Variants in IL7R observed in about 807,000 individuals in gnomAD.
IL7R encodes the protein interleukin-7 receptor subunit alpha.
In IL7R, 38 loss-of-function variants were observed where a neutral mutation model predicts 47.0. That is an observed-to-expected ratio of 0.81 (90% CI 0.62 to 1.06). The LOEUF is 1.06. Ranked by LOEUF, IL7R falls within the 50% of genes least tolerant of loss-of-function variation. The probability of loss-of-function intolerance (pLI) is 0.00; values close to 1 mark genes in which losing one functional copy is unlikely to be tolerated. For missense variants in IL7R, 633 were observed against 534.8 expected, an observed-to-expected ratio of 1.18 and a Z score of -1.81; for synonymous variants, 221 against 199.8, an observed-to-expected ratio of 1.11 and a Z score of -0.89.
intron 1 of IL7R, among the ~76,000 whole-genome samples, chr5:35,857,492 G>A (rs1759685715): frequency 6.9e-6 from 1 of 145,340 alleles, no homozygotes; most frequent in Non-Finnish European, 1.5e-5. Flanking sequence ...AGAAGCAATA[G>A]CTTTGTCTTC....
At chr5:35,863,345 G>T (rs965396883) in intron 2 of IL7R, among the ~76,000 whole-genome samples, 1 of 152,100 alleles carries the variant, frequency 6.6e-6, no homozygotes, top group Non-Finnish European at 1.5e-5. Flanking sequence ...TGTAACAAAA[G>T]CTAGGGCACT....
intron 3 of IL7R, among the ~76,000 whole-genome samples, chr5:35,869,854 C>T (rs1466433165): frequency 6.6e-6 from 1 of 152,194 alleles, no homozygotes; most frequent in African/African-American, 2.4e-5. Context: ...TCCCCTTTTA[C>T]AACCCATCCA....
At chr5:35,875,655 G>A in intron 7 of IL7R, 68 bp downstream of exon 7, 2 of 1,201,648 alleles carry the variant, frequency 1.7e-6, no homozygotes, top group Non-Finnish European at 2.5e-6. Flanking sequence ...TGATATTCCA[G>A]GACAAGGAAC....
chr5:35,859,292 A>G (rs922155908), intron 1 of IL7R, among the ~76,000 whole-genome samples: 1 of 152,180 alleles, frequency 6.6e-6, no homozygotes, highest in African/African-American at 2.4e-5. Flanking sequence ...TCTGAATCCA[A>G]ATAATAATAC....
Position 35,874,434 on chromosome 5 carries a change from A to G in IL7R, c.707-15A>G, listed in dbSNP as rs1485437140. 1.3e-6 allele frequency: 2 copies of G among 1,571,860 alleles called. No homozygotes were observed. The highest frequency in any genetic ancestry group is 1.8e-6 in the Non-Finnish European group (2 of 1,141,290). ...GGCTACTGAATGCTCACCACAATCT[A>G]TTCTTGCTTTCCAGGGGAGATGGAT... On this transcript the variant is annotated splice_polypyrimidine_tract_variant and intron_variant, in intron 5 of 7. Coordinates refer to ENST00000303115, the MANE Select transcript of IL7R (RefSeq NM_002185.5).
At chr5:35,873,754 C>A (rs1760134859) in intron 5 of IL7R, 106 bp downstream of exon 5, 3 of 1,003,882 alleles carry the variant, frequency 3.0e-6, no homozygotes, top group Admixed American at 3.4e-5. Context: ...AAATAGGACA[C>A]CCTTGGAGGG....
chr5:35,860,841 T>G lies in IL7R; in HGVS notation c.83-11T>G, dbSNP rs1328188948. On this transcript the variant is annotated splice_polypyrimidine_tract_variant and intron_variant, in intron 1 of 7. Coordinates refer to ENST00000303115, the MANE Select transcript of IL7R (RefSeq NM_002185.5). ...TGTTTCATTAACAGCTGCATGTTTG[T>G]TCCTCCCCAGGAGACTTGGAAGATG... is the stretch of plus-strand genomic sequence containing the variant. 2.5e-6 allele frequency: 4 copies of G among 1,613,104 alleles called. No individual in the cohort carries two copies. Among genetic ancestry groups the G allele is most frequent in the Non-Finnish European group, 3.4e-6 (4 of 1,179,244 alleles).
intron 2 of IL7R, among the ~76,000 whole-genome samples, chr5:35,863,371 C>T (rs1463007437): frequency 6.6e-6 from 1 of 152,120 alleles, no homozygotes; most frequent in Non-Finnish European, 1.5e-5. Flanking sequence ...CTGCATTTAA[C>T]CTCCTGGCCA....
intron 3 of IL7R, among the ~76,000 whole-genome samples, chr5:35,869,271 C>T (rs190927262): frequency 2.0e-5 from 3 of 152,298 alleles, no homozygotes; most frequent in Non-Finnish European, 4.4e-5. Context: ...TGCCTTCCCA[C>T]TTCTCTTAGC....
intron 3 of IL7R, among the ~76,000 whole-genome samples, chr5:35,868,598 T>C (rs886481657): frequency 5.9e-5 from 9 of 152,268 alleles, no homozygotes; most frequent in Middle Eastern, 6.8e-3. Context: ...TCTGAGGTTA[T>C]AAAAAGTTGG....
At chr5:35,864,446 C>T (rs1561420301) in intron 2 of IL7R, among the ~76,000 whole-genome samples, 1 of 152,140 alleles carries the variant, frequency 6.6e-6, no homozygotes, top group African/African-American at 2.4e-5. Context: ...TTATAAGAAA[C>T]CGCCCAACAG....
intron 4 of IL7R, among the ~76,000 whole-genome samples, chr5:35,872,869 T>C (rs1034909377): frequency 6.6e-6 from 1 of 150,682 alleles, no homozygotes; most frequent in Non-Finnish European, 1.5e-5. Context: ...AAAACAAATA[T>C]CACAATAGAA....
rs1760224834 is a variant in IL7R at position 35,876,616 on chromosome 5, G to T, written c.*130G>T. On this transcript the variant is annotated 3_prime_UTR_variant, in exon 8 of 8. Coordinates refer to ENST00000303115, the MANE Select transcript of IL7R (RefSeq NM_002185.5). ...CAAAACCCCACTACACAGTCTGCAA[G>T]ATTCTGAAACATTGCTTTGACCACT... 5.2e-6 allele frequency: 5 copies of T among 957,278 alleles called. No individual in the cohort carries two copies. In the South Asian group the frequency reaches 7.0e-5, roughly 13 times the overall value. The allele number at this position is 957,278 out of a possible 1,614,324, so 59.3% of individuals were successfully genotyped here. A position where few individuals can be genotyped will look rare whatever the true frequency, so the allele number is the denominator to read the frequency against.
chr5:35,866,836 A>G (rs7711208), intron 2 of IL7R, among the ~76,000 whole-genome samples: 106,991 of 151,440 alleles, frequency 0.71, 38,925 homozygotes, highest in African/African-American at 0.87. Flanking sequence ...ATAAAAATCC[A>G]TTACGTTACC....
chr5:35,877,933 A>G lies in IL7R; in HGVS notation c.*1447A>G. ...AAGGGCAGATGCTGCACAGAAAACT[A>G]GAGAAGGGGTCATAGGTTCATGGTT... is the stretch of plus-strand genomic sequence containing the variant. On this transcript the variant is annotated 3_prime_UTR_variant, in exon 8 of 8. Transcript: ENST00000303115. The G allele has an allele frequency of 4.3e-6, 1 of 233,274 alleles. No individual in the cohort carries two copies. Among genetic ancestry groups the G allele is most frequent in the Non-Finnish European group, 8.5e-6 (1 of 118,056 alleles). 14.5% of individuals were successfully genotyped at this position (233,274 alleles called of 1,614,324 possible).
intron 1 of IL7R, among the ~76,000 whole-genome samples, chr5:35,860,233 C>G (rs540970585): frequency 1.3e-5 from 2 of 152,122 alleles, no homozygotes; most frequent in Admixed American, 1.3e-4. Context: ...TTTCCCTAAT[C>G]ACGTTTGTCT....
chr5:35,857,677 A>T (rs969747622), intron 1 of IL7R, among the ~76,000 whole-genome samples: 84 of 152,294 alleles, frequency 5.5e-4, no homozygotes, highest in African/African-American at 1.9e-3. Context: ...AATACACTGA[A>T]TTGCCTCCAC....
chr5:35,860,710 G>C (rs1561418679), intron 1 of IL7R, 142 bp from the exon 2 acceptor site: 1 of 870,982 alleles, frequency 1.1e-6, no homozygotes, highest in Non-Finnish European at 1.8e-6. Context: ...CTTTGCCCTT[G>C]GGCTTTTCTT....
At chr5:35,858,648 A>T (rs1759722946) in intron 1 of IL7R, among the ~76,000 whole-genome samples, 1 of 152,242 alleles carries the variant, frequency 6.6e-6, no homozygotes, top group African/African-American at 2.4e-5. Flanking sequence ...ATTGACATAA[A>T]CTTTTTAAAG....
Sources: gnomAD v4.1 joint callset for allele counts (sites outside exome capture counted in the v4.1 genomes callset) on GRCh38, gnomAD v4.1.1 for gene constraint, MANE v1.5 for transcripts, NCBI Gene and HGNC (gene_info 2026-07-23, HGNC 2026-07-21) for gene names.